TAF4B: variants seen among roughly 807,000 people sequenced by gnomAD.
The protein encoded by TAF4B is TATA-box binding protein associated factor 4b.
TAF4B carries 38 observed loss-of-function variants against 86.4 expected under a neutral mutation model. That is an observed-to-expected ratio of 0.44 (90% CI 0.34 to 0.58). TAF4B has a LOEUF of 0.58. Ranked by LOEUF, TAF4B falls within the 20% of genes least tolerant of loss-of-function variation. TAF4B has a pLI of 0.02. For missense variants in TAF4B, 988 were observed against 1,027.6 expected, an observed-to-expected ratio of 0.96 and a Z score of 0.53; for synonymous variants, 388 against 391.2, an observed-to-expected ratio of 0.99 and a Z score of 0.10.
intron 9 of TAF4B, among the ~76,000 whole-genome samples, chr18:26,306,879 G>A (rs369097093): frequency 4.9e-4 from 74 of 152,110 alleles, no homozygotes; most frequent in African/African-American, 1.5e-3. Context: ...CTGGGTTCAC[G>A]CCATTCTCCT....
intron 1 of TAF4B, among the ~76,000 whole-genome samples, chr18:26,247,307 T>C (rs950558555): frequency 6.6e-6 from 1 of 152,220 alleles, no homozygotes; most frequent in Admixed American, 6.5e-5. Flanking sequence ...TGGAATACAA[T>C]GTTGCACAGC....
At chr18:26,231,342 GGGGTTTTTTTTT>G (rs1474694724) in intron 1 of TAF4B, among the ~76,000 whole-genome samples, 4 of 30,926 alleles carry the variant, frequency 1.3e-4, no homozygotes, top group South Asian at 2.4e-3. Context: ...CCAGCTGCTT[GGGGTTTTTTTTT>G]TTTTTTTTTT....
At chr18:26,345,080 C>T (rs2057166110) in intron 13 of TAF4B, among the ~76,000 whole-genome samples, 1 of 152,182 alleles carries the variant, frequency 6.6e-6, no homozygotes, top group South Asian at 2.1e-4. Flanking sequence ...ATTCACACAG[C>T]TGCATTGCCC....
chr18:26,243,691 G>T (rs151277285), intron 1 of TAF4B, among the ~76,000 whole-genome samples: 2,170 of 152,264 alleles, frequency 0.014, 39 homozygotes, highest in African/African-American at 0.05. Context: ...CAGCTTTTCT[G>T]CTCTGGTTTC....
chr18:26,283,888 T>C (rs1029722737), intron 6 of TAF4B, among the ~76,000 whole-genome samples: 21 of 151,710 alleles, frequency 1.4e-4, no homozygotes, highest in African/African-American at 4.8e-4. Flanking sequence ...CTGACTCTAC[T>C]AAAAAAAATA....
chr18:26,268,121 T>A (rs2144547907), intron 3 of TAF4B, among the ~76,000 whole-genome samples: 1 of 152,318 alleles, frequency 6.6e-6, no homozygotes, highest in South Asian at 2.1e-4. Flanking sequence ...CTGGGAAAGT[T>A]ACCTTTGGGC....
chr18:26,240,614 A>G (rs1455120288), intron 1 of TAF4B, among the ~76,000 whole-genome samples: 2 of 152,122 alleles, frequency 1.3e-5, no homozygotes, highest in African/African-American at 4.8e-5. Flanking sequence ...AGAACTTCCA[A>G]CACTATGTTG....
At chr18:26,317,679 C>T (rs994140668) in intron 10 of TAF4B, among the ~76,000 whole-genome samples, 13 of 152,176 alleles carry the variant, frequency 8.5e-5, no homozygotes, top group Middle Eastern at 3.2e-3. Flanking sequence ...GGTGCCAGCA[C>T]GGTCAGATTC....
chr18:26,385,805 T>A (rs2144403312), intron 14 of TAF4B, among the ~76,000 whole-genome samples: 1 of 151,728 alleles, frequency 6.6e-6, no homozygotes, highest in South Asian at 2.1e-4. Flanking sequence ...GGAAAGGACT[T>A]GGTGAGGCAG....
intron 14 of TAF4B, among the ~76,000 whole-genome samples, chr18:26,371,983 C>T (rs1598836820): frequency 6.6e-6 from 1 of 152,042 alleles, no homozygotes; most frequent in African/African-American, 2.4e-5. Flanking sequence ...CACTGGGGCT[C>T]AATGTATAGG....
chr18:26,311,153 G>A (rs2056850463), intron 9 of TAF4B, among the ~76,000 whole-genome samples: 1 of 152,092 alleles, frequency 6.6e-6, no homozygotes, highest in South Asian at 2.1e-4. Flanking sequence ...GGAATTTAAG[G>A]CAAATACATT....
At chr18:26,303,671 CCCCCTCCACTTTCA>C in intron 9 of TAF4B, among the ~76,000 whole-genome samples, 1 of 136,656 alleles carries the variant, frequency 7.3e-6, no homozygotes, top group African/African-American at 2.8e-5. Flanking sequence ...CACTTTCATA[CCCCCTCCACTTTCA>C]TACTCCCTCC....
Position 26,327,049 on chromosome 18 carries a change from G to A in TAF4B, c.2168G>A (p.Arg723Lys), listed in dbSNP as rs751617286. Residue 723 changes from arginine to lysine, a missense_variant, in exon 12 of 15, where the codon AGG becomes AAG. Arg to Lys is a conservative substitution (Grantham distance 26, BLOSUM62 2). This residue lies in a region of TAF4B where 216 missense variants were observed against 238.4 expected (regional missense o/e 0.91). Transcript: ENST00000269142. The stretch of plus-strand genomic sequence containing the variant: ...AATTACATCCTGTGTAGTGATACCA[G>A]GTCACAGCTCAAATTTCTTGAAAAG... The part of the protein sequence containing the change: ...SENYILCSDT[R>K]SQLKFLEKLD... 6.2e-7 allele frequency: 1 copy of A among 1,613,564 alleles called. No individual in the cohort carries two copies. The highest frequency in any genetic ancestry group is 1.1e-5 in the South Asian group (1 of 91,064).
chr18:26,280,630 G>GT (rs895804010), intron 5 of TAF4B, among the ~76,000 whole-genome samples: 9 of 152,096 alleles, frequency 5.9e-5, no homozygotes, highest in Non-Finnish European at 1.3e-4. Flanking sequence ...CAAAATGTCT[G>GT]TTACTAAGAA....
Position 26,361,853 on chromosome 18 carries a change from C to G in TAF4B, c.2421+4059C>G, listed in dbSNP as rs1360900841. Among the ~76,000 whole-genome samples the G allele has an allele frequency of 3.3e-5, 5 of 151,504 alleles. No homozygotes were observed. The East Asian group carries it at 9.7e-4, about 29-fold the overall frequency. On this transcript the variant is annotated intron_variant, in intron 14 of 14. Coordinates refer to ENST00000269142, the MANE Select transcript of TAF4B (RefSeq NM_005640.3). ...TTCTAGTACAGGACAACTCACTGCT[C>G]TTTGTTTTTGGTCCATTTGTATATG...
intron 1 of TAF4B, among the ~76,000 whole-genome samples, chr18:26,249,427 C>T (rs1472839939): frequency 6.6e-6 from 1 of 151,534 alleles, no homozygotes; most frequent in Admixed American, 6.6e-5. Context: ...TTGCAGTGAT[C>T]CAAGATTGCA....
At chr18:26,326,954 C>T in intron 11 of TAF4B, 61 bp from the exon 12 acceptor site, 2 of 1,564,216 alleles carry the variant, frequency 1.3e-6, no homozygotes, top group South Asian at 1.2e-5. Flanking sequence ...TATACAATAC[C>T]TAATGTAGAA....
At chr18:26,353,958 T>C (rs2057266117) in intron 13 of TAF4B, among the ~76,000 whole-genome samples, 1 of 152,244 alleles carries the variant, frequency 6.6e-6, no homozygotes, top group Non-Finnish European at 1.5e-5. Context: ...TTTTTTCCTA[T>C]ACATTTTTAT....
chr18:26,386,753 G>A (rs1230556091), intron 14 of TAF4B, among the ~76,000 whole-genome samples: 2 of 151,994 alleles, frequency 1.3e-5, no homozygotes, highest in Admixed American at 1.3e-4. Context: ...TTATTCCATG[G>A]TATGACTATT....
Sources: gnomAD v4.1 joint callset for allele counts (sites outside exome capture counted in the v4.1 genomes callset) on GRCh38, gnomAD v4.1.1 for gene constraint, gnomAD v4.1.1 regional missense constraint, MANE v1.5 for transcripts, NCBI Gene and HGNC (gene_info 2026-07-23, HGNC 2026-07-21) for gene names.